KCNC4: variants seen among roughly 807,000 people sequenced by gnomAD.
The protein encoded by KCNC4 is potassium voltage-gated channel subfamily C member 4, also known as voltage-gated potassium channel KCNC4.
KCNC4 carries 23 observed loss-of-function variants against 42.8 expected under a neutral mutation model. The observed-to-expected ratio is 0.54, with a 90% CI of 0.39 to 0.76. The LOEUF (loss-of-function observed/expected upper bound fraction) is 0.76, where lower values mean the gene tolerates loss of function less well. Ranked by LOEUF, KCNC4 falls within the 30% of genes least tolerant of loss-of-function variation. The pLI is 0.00. For missense variants in KCNC4, 751 were observed against 898.2 expected (o/e 0.84, Z 2.10); for synonymous variants, 422 against 393.5 (o/e 1.07, Z -0.86).
chr1:110,281,202 G>C (rs753845630), intron 1 of KCNC4, among the ~76,000 whole-genome samples: 1 of 152,124 alleles, frequency 6.6e-6, no homozygotes, highest in Non-Finnish European at 1.5e-5. Context: ...TGCTTGGAGC[G>C]GGGAAGGGGG....
At chr1:110,213,792 C>T (rs1657633647) in intron 1 of KCNC4, among the ~76,000 whole-genome samples, 1 of 152,152 alleles carries the variant, frequency 6.6e-6, no homozygotes, top group Non-Finnish European at 1.5e-5. Context: ...AGTGTTAGCA[C>T]TTGGCTGTCT....
chr1:110,241,375 A>G (rs1052189506), exon 4 of KCNC4: 1 of 152,080 alleles, frequency 6.6e-6, no homozygotes, highest in Non-Finnish European at 1.5e-5. Flanking sequence ...TGTATATTTT[A>G]TTTCCCAGGA....
intron 1 of KCNC4, among the ~76,000 whole-genome samples, chr1:110,282,159 A>G (rs1659840358): frequency 6.6e-6 from 1 of 152,242 alleles, no homozygotes; most frequent in Admixed American, 6.5e-5. Context: ...CTTTAGCTTA[A>G]TTAAGCCATC....
At chr1:110,229,299 T>C (rs1658573146) in intron 3 of KCNC4, 1 of 152,234 alleles carries the variant, frequency 6.6e-6, no homozygotes, top group Non-Finnish European at 1.5e-5. Context: ...GGCCTGATGT[T>C]TTCTATCCCT....
At position 110,222,936 on chromosome 1, in the gene KCNC4, GC is replaced by G. The variant is rs1320363010; in HGVS notation, c.679-23del. On this transcript the variant is annotated intron_variant, in intron 1 of 3. Coordinates refer to ENST00000438661, the MANE Select transcript of KCNC4 (RefSeq NM_001039574.3). Reference sequence around the variant, plus strand: ...GCCCATCCATCCCTGTCTGACAGCTGCCCCCTGCTCTCCTCCCCTGCCCATA... The same window carrying G: ...GCCCATCCATCCCTGTCTGACAGCTGCCCCTGCTCTCCTCCCCTGCCCATA... 8 of 1,563,378 alleles carry G rather than the reference GC, an allele frequency of 5.1e-6. No homozygotes were observed. The Admixed American group carries it at 6.8e-5, about 13-fold the overall frequency.
downstream of KCNC4, among the ~76,000 whole-genome samples, chr1:110,251,264 G>A (rs574865068): frequency 5.9e-5 from 9 of 152,320 alleles, no homozygotes; most frequent in Admixed American, 2.0e-4. Context: ...ATCTCATCTT[G>A]AATTGTAGCA....
chr1:110,247,758 T>G (rs1659181768), exon 4 of KCNC4: 1 of 152,010 alleles, frequency 6.6e-6, no homozygotes, highest in Non-Finnish European at 1.5e-5. Context: ...TTCACCATAT[T>G]GGTCAGGCTG....
intron 1 of KCNC4, among the ~76,000 whole-genome samples, chr1:110,217,252 A>G (rs1430184472): frequency 6.6e-6 from 1 of 152,180 alleles, no homozygotes; most frequent in African/African-American, 2.4e-5. Context: ...GGAGGAATCA[A>G]TAAATCCCAC....
intron 3 of KCNC4, among the ~76,000 whole-genome samples, chr1:110,226,529 T>TGCCA (rs1439412173): frequency 6.6e-6 from 1 of 152,222 alleles, no homozygotes; most frequent in Non-Finnish European, 1.5e-5. Flanking sequence ...ACAGGGTCAC[T>TGCCA]GCCAGCCTCT....
intron 1 of KCNC4, among the ~76,000 whole-genome samples, chr1:110,217,179 C>T (rs886332500): frequency 6.6e-6 from 1 of 152,032 alleles, no homozygotes; most frequent in African/African-American, 2.4e-5. Context: ...AACAGTAATA[C>T]AAGACGGATC....
chr1:110,223,996 G>T lies in KCNC4; in HGVS notation c.1615+96G>T. 1.0e-6 allele frequency: 1 copy of T among 973,190 alleles called. No individual in the cohort carries two copies. The highest frequency in any genetic ancestry group is 1.5e-6 in the Non-Finnish European group (1 of 657,738). 60.3% of individuals were successfully genotyped at this position (973,190 alleles called of 1,614,324 possible). On this transcript the variant is annotated intron_variant, in intron 2 of 3. Coordinates refer to ENST00000438661, the MANE Select transcript of KCNC4 (RefSeq NM_001039574.3). This position sits in a 1 kb window ranked among gnomAD's most constrained non-coding sequence, Gnocchi z 7.5. ...GACCTTGGGATTTGGCATGTGTTTTGTGTGGGGCTTCCCTAAGCATAAAGA... is the reference window on the plus strand; with the variant it reads ...GACCTTGGGATTTGGCATGTGTTTTTTGTGGGGCTTCCCTAAGCATAAAGA...
At chr1:110,259,067 T>TCCG (rs1659383160) in intron 1 of KCNC4, among the ~76,000 whole-genome samples, 1 of 152,234 alleles carries the variant, frequency 6.6e-6, no homozygotes, top group African/African-American at 2.4e-5. Context: ...TGGCTCTGTT[T>TCCG]ATTTGTGAAT....
At chr1:110,259,551 G>C (rs1659390667) in intron 1 of KCNC4, among the ~76,000 whole-genome samples, 1 of 152,142 alleles carries the variant, frequency 6.6e-6, no homozygotes, top group African/African-American at 2.4e-5. Context: ...TCAGGGCTCT[G>C]GGAAGGGTAT....
intron 1 of KCNC4, among the ~76,000 whole-genome samples, chr1:110,265,029 C>T (rs1426867325): frequency 1.3e-5 from 2 of 149,318 alleles, no homozygotes; most frequent in Non-Finnish European, 3.0e-5. Context: ...TGCAGTGAGC[C>T]GAGATTGTGC....
intron 1 of KCNC4, among the ~76,000 whole-genome samples, chr1:110,257,092 T>A (rs1031273822): frequency 4.6e-5 from 7 of 152,226 alleles, no homozygotes; most frequent in Non-Finnish European, 8.8e-5. Context: ...TGTTTTTGAA[T>A]ATGTATAAAG....
chr1:110,246,766 C>CTTTTTTTTTTTTTTTTTT (rs61165830), exon 4 of KCNC4: 12 of 139,360 alleles, frequency 8.6e-5, no homozygotes, highest in African/African-American at 2.2e-4. Context: ...TTTTTCTTTT[C>CTTTTTTTTTTTTTTTTTT]TTTTTTTTTT....
chr1:110,254,627 A>G (rs1282724315), intron 1 of KCNC4, among the ~76,000 whole-genome samples: 1 of 152,220 alleles, frequency 6.6e-6, no homozygotes, highest in African/African-American at 2.4e-5. Context: ...AATTAATTGA[A>G]TGACATGTGC....
intron 1 of KCNC4, among the ~76,000 whole-genome samples, chr1:110,270,316 C>T (rs1659615083): frequency 6.6e-6 from 1 of 152,114 alleles, no homozygotes; most frequent in Non-Finnish European, 1.5e-5. Context: ...CCCTCCAGTA[C>T]CAAGTTATGG....
intron 3 of KCNC4, chr1:110,232,159 G>A: frequency 2.6e-6 from 4 of 1,534,656 alleles, no homozygotes; most frequent in East Asian, 2.4e-5. Context: ...TCCCAAAAGG[G>A]CTCTCTGAGG....
Sources: allele counts gnomAD v4.1 joint callset (sites outside exome capture counted in the v4.1 genomes callset), GRCh38; gene constraint gnomAD v4.1.1; non-coding constraint Gnocchi (gnomAD v3.1); transcripts MANE v1.5; gene names NCBI Gene and HGNC (gene_info 2026-07-23, HGNC 2026-07-21).